The following GOLGA1 variants were observed in gnomAD, a reference collection of about 807,000 sequenced individuals.
GOLGA1 encodes golgin subfamily A member 1.
A neutral mutation model predicts 119.7 loss-of-function variants in GOLGA1; 63 were observed. The ratio of observed to expected loss-of-function variants is 0.53; its 90% CI spans 0.43 to 0.65. GOLGA1 has a LOEUF of 0.65. Among genes scored for constraint, GOLGA1 ranks in the 30% least tolerant of loss-of-function variants. The pLI is 0.00. For synonymous variants in GOLGA1, 318 were observed against 333.4 expected, an observed-to-expected ratio of 0.95 and a Z score of 0.50; for missense variants, 798 against 912.8, an observed-to-expected ratio of 0.87 and a Z score of 1.62.
At chr9:124,903,564 C>T (rs943300752) in intron 12 of GOLGA1, among the ~76,000 whole-genome samples, 1 of 131,142 alleles carries the variant, frequency 7.6e-6, no homozygotes, top group Non-Finnish European at 1.6e-5. Context: ...CTTAGGGAAA[C>T]AAAGGTATAG....
At chr9:124,933,246 G>C (rs572790100) in intron 3 of GOLGA1, among the ~76,000 whole-genome samples, 1 of 152,296 alleles carries the variant, frequency 6.6e-6, no homozygotes, top group African/African-American at 2.4e-5. Flanking sequence ...GCCTCAGACT[G>C]TTATCCTTAG....
chr9:124,883,592 T>TGTG (rs1829640759), intron 19 of GOLGA1, among the ~76,000 whole-genome samples: 4 of 152,140 alleles, frequency 2.6e-5, no homozygotes, highest in Non-Finnish European at 4.4e-5. Flanking sequence ...GGATTACTGG[T>TGTG]TCCCACCACC....
At chr9:124,905,727 C>G (rs1252060170) in intron 12 of GOLGA1, among the ~76,000 whole-genome samples, 1 of 152,088 alleles carries the variant, frequency 6.6e-6, no homozygotes, top group Non-Finnish European at 1.5e-5. Flanking sequence ...AAAAAAATCA[C>G]ACAGTAGTAG....
intron 3 of GOLGA1, 133 bp downstream of exon 3, chr9:124,938,444 T>A: frequency 1.4e-6 from 1 of 738,744 alleles, no homozygotes; most frequent in East Asian, 2.7e-5. Flanking sequence ...TACCTCAGAG[T>A]AAGAAGAATC....
intron 19 of GOLGA1, among the ~76,000 whole-genome samples, chr9:124,884,017 T>A (rs893435918): frequency 1.0e-3 from 152 of 145,720 alleles, no homozygotes; most frequent in African/African-American, 2.3e-3. Flanking sequence ...GGAAAAAAAA[T>A]TTTTTTTTTT....
chr9:124,884,678 C>A lies in GOLGA1; in HGVS notation c.1906-2109G>T, dbSNP rs528579555. Among the ~76,000 whole-genome samples, 25 of 152,328 alleles carry A rather than the reference C, an allele frequency of 1.6e-4. 1 individual carries two copies. In the South Asian group the frequency reaches 3.3e-3, roughly 20 times the overall value. On this transcript the variant is annotated intron_variant, in intron 19 of 22. Transcript: ENST00000373555. ...CATCTTAAGTGACCTCCAACACACC[C>A]AATTTTGTAAAATGGCACCTTGTGG...
At chr9:124,893,528 G>C (rs748156375) in intron 15 of GOLGA1, among the ~76,000 whole-genome samples, 2 of 152,092 alleles carry the variant, frequency 1.3e-5, no homozygotes, top group Non-Finnish European at 2.9e-5. Flanking sequence ...TCCAAAATTA[G>C]CTAATGGGCT....
chr9:124,935,692 G>C (rs946697682), intron 3 of GOLGA1, among the ~76,000 whole-genome samples: 5 of 151,400 alleles, frequency 3.3e-5, no homozygotes, highest in South Asian at 4.2e-4. Flanking sequence ...AGCTACTTGG[G>C]AGGCTGAGTG....
intron 15 of GOLGA1, among the ~76,000 whole-genome samples, chr9:124,892,332 G>A (rs1000949130): frequency 2.0e-5 from 3 of 152,106 alleles, no homozygotes; most frequent in Admixed American, 2.0e-4. Flanking sequence ...GCCTTCTTCT[G>A]ACTTTTTGAG....
chr9:124,902,563 T>A (rs1830131734), intron 12 of GOLGA1, among the ~76,000 whole-genome samples: 1 of 151,422 alleles, frequency 6.6e-6, no homozygotes. Context: ...CTCGGCTCAC[T>A]GAAAGCTCCG....
At chr9:124,889,344 G>A in intron 17 of GOLGA1, 41 bp from the exon 18 acceptor site, 1 of 1,607,256 alleles carries the variant, frequency 6.2e-7, no homozygotes, top group Non-Finnish European at 8.5e-7. Context: ...TGAGCCCAGT[G>A]ACTCCATGCT....
At chr9:124,915,933 C>T (rs549705907) in intron 10 of GOLGA1, among the ~76,000 whole-genome samples, 3 of 152,026 alleles carry the variant, frequency 2.0e-5, no homozygotes, top group South Asian at 4.2e-4. Flanking sequence ...GAAACCCTGT[C>T]TCTTCTAAAA....
At chr9:124,908,233 C>A in intron 12 of GOLGA1, 144 bp downstream of exon 12, 1 of 626,470 alleles carries the variant, frequency 1.6e-6, no homozygotes, top group Non-Finnish European at 2.9e-6. Flanking sequence ...AAGAAAATGA[C>A]TAACTCATCC....
intron 12 of GOLGA1, among the ~76,000 whole-genome samples, chr9:124,904,610 A>T (rs912093894): frequency 7.2e-5 from 11 of 152,202 alleles, no homozygotes; most frequent in Middle Eastern, 3.4e-3. Flanking sequence ...GGAGTTTGAG[A>T]CCAGCCTGGC....
chr9:124,935,707 A>C (rs1830849856), intron 3 of GOLGA1, among the ~76,000 whole-genome samples: 1 of 150,714 alleles, frequency 6.6e-6, no homozygotes, highest in South Asian at 2.1e-4. Flanking sequence ...TGAGTGAGGC[A>C]GGAGAATTGC....
chr9:124,926,641 GATAAAACGT>G (rs1830678353), intron 7 of GOLGA1, 59 bp downstream of exon 7: 1 of 966,494 alleles, frequency 1.0e-6, no homozygotes, highest in African/African-American at 1.6e-5. Flanking sequence ...TTGGTTACCG[GATAAAACGT>G]TTTCCATACC....
At chr9:124,898,830 C>T (rs1830035744) in intron 14 of GOLGA1, among the ~76,000 whole-genome samples, 186 bp from the exon 15 acceptor site, 1 of 152,124 alleles carries the variant, frequency 6.6e-6, no homozygotes, top group Admixed American at 6.5e-5. Context: ...AAAAAGAAAA[C>T]CCATCTGTTT....
chr9:124,909,287 G>A (rs1830290738), intron 11 of GOLGA1, among the ~76,000 whole-genome samples: 1 of 151,576 alleles, frequency 6.6e-6, no homozygotes, highest in South Asian at 2.1e-4. Context: ...ACTCCAGCCT[G>A]GGTGACAGAG....
In GOLGA1 at chr9:124,923,114, A is replaced by C. The variant is rs1830602835; in HGVS notation, c.542T>G (p.Leu181Arg). 6.2e-7 allele frequency: 1 copy of C among 1,608,234 alleles called. No homozygotes were observed. ...GCATACCATGTGCTTTATTTTACTTAGTTCCTGCTGCTGGAACCCCTCTAA... is the reference window on the plus strand; with the variant it reads ...GCATACCATGTGCTTTATTTTACTTCGTTCCTGCTGCTGGAACCCCTCTAA... ...DELEGFQQQELSKIKHMLLKK... is the reference protein window; with the variant it reads ...DELEGFQQQERSKIKHMLLKK... Residue 181 changes from leucine (L) to arginine (R), a missense_variant, in exon 8 of 23, where the codon CTA (leucine) becomes CGA (arginine). Coordinates refer to ENST00000373555, the MANE Select transcript of GOLGA1 (RefSeq NM_002077.4).
Sources: gnomAD v4.1 joint callset for allele counts (sites outside exome capture counted in the v4.1 genomes callset) on GRCh38, gnomAD v4.1.1 for gene constraint, MANE v1.5 for transcripts, NCBI Gene and HGNC (gene_info 2026-07-23, HGNC 2026-07-21) for gene names.